Variants in SLC28A1 observed in about 807,000 individuals in gnomAD.
SLC28A1 encodes sodium/nucleoside cotransporter 1.
In SLC28A1, 64 loss-of-function variants were observed where a neutral mutation model predicts 74.8. That is an observed-to-expected ratio of 0.86 (90% CI 0.70 to 1.05). The LOEUF (loss-of-function observed/expected upper bound fraction) is 1.05. Among genes scored for constraint, SLC28A1 ranks in the 50% least tolerant of loss-of-function variants. The pLI is 0.00. For synonymous variants in SLC28A1, 359 were observed against 335.0 expected, an observed-to-expected ratio of 1.07 and a Z score of -0.78; for missense variants, 828 against 822.8, an observed-to-expected ratio of 1.01 and a Z score of -0.08.
At chr15:84,951,257 G>A in the SLC28A1 span, among the ~76,000 whole-genome samples, 1 of 151,954 alleles carries the variant, frequency 6.6e-6, no homozygotes, top group Non-Finnish European at 1.5e-5. Flanking sequence ...AGACCAGCCT[G>A]GGCAAAATGG....
the SLC28A1 span, among the ~76,000 whole-genome samples, chr15:84,956,557 A>G: frequency 5.3e-5 from 8 of 151,028 alleles, no homozygotes; most frequent in African/African-American, 2.0e-4. Context: ...CAGTGGCACA[A>G]TCATGGCTCA....
At chr15:84,899,086 C>T (rs1227878437) in intron 6 of SLC28A1, among the ~76,000 whole-genome samples, 1 of 152,050 alleles carries the variant, frequency 6.6e-6, no homozygotes, top group Non-Finnish European at 1.5e-5. Flanking sequence ...TGGAATCACA[C>T]AGGGCCAGGA....
At chr15:84,928,527 G>GTTCTTTCT (rs1200042713) in intron 12 of SLC28A1, among the ~76,000 whole-genome samples, 13 of 47,236 alleles carry the variant, frequency 2.8e-4, no homozygotes, top group African/African-American at 8.1e-4. Flanking sequence ...AGGTTCGTTC[G>GTTCTTTCT]TTCTTTCTTT....
rs1261106893 is a variant in SLC28A1, at chr15:84,886,711, C to A, written c.-93C>A. ...GTGACAAGGCAAGCCAGAGCCAAAGCAGGTTGGACCCAGCTTGTCCCCACA... is the reference window on the plus strand; with the variant it reads ...GTGACAAGGCAAGCCAGAGCCAAAGAAGGTTGGACCCAGCTTGTCCCCACA... On this transcript the variant is annotated 5_prime_UTR_variant, in exon 2 of 19. Coordinates refer to ENST00000394573, the MANE Select transcript of SLC28A1 (RefSeq NM_004213.5). 3.0e-6 allele frequency: 3 copies of A among 985,416 alleles called. No homozygotes were observed. In the Admixed American group the frequency reaches 1.8e-4, roughly 61 times the overall value. The allele number at this position is 985,416 out of a possible 1,614,324, so 61.0% of individuals were successfully genotyped here. A position where few individuals can be genotyped will look rare whatever the true frequency, so the allele number is the denominator to read the frequency against.
chr15:84,906,528 G>GTTTCTTTCTTTCTTTC (rs1159258854), intron 8 of SLC28A1, among the ~76,000 whole-genome samples: 17 of 62,042 alleles, frequency 2.7e-4, no homozygotes, highest in Admixed American at 1.1e-3. Context: ...TTGTTTGTTT[G>GTTTCTTTCTTTCTTTC]TTTCTTTCTT....
At chr15:84,947,876 A>G (rs732633), downstream of SLC28A1, among the ~76,000 whole-genome samples, 133,290 of 152,274 alleles carry the variant, frequency 0.88, 58,440 homozygotes, top group East Asian at 0.96. Flanking sequence ...ATAGTAGTGT[A>G]AGCTATTAAC....
chr15:84,971,372 T>C, the SLC28A1 span, among the ~76,000 whole-genome samples: 1 of 152,140 alleles, frequency 6.6e-6, no homozygotes, highest in Non-Finnish European at 1.5e-5. Flanking sequence ...CAGGGAAAGA[T>C]CCCTCATGAA....
chr15:84,960,651 G>A, the SLC28A1 span, among the ~76,000 whole-genome samples: 1 of 152,178 alleles, frequency 6.6e-6, no homozygotes, highest in African/African-American at 2.4e-5. Context: ...TGATGGGCAG[G>A]TGGGCCTGGG....
the SLC28A1 span, among the ~76,000 whole-genome samples, chr15:84,969,331 A>G: frequency 6.6e-6 from 1 of 152,184 alleles, no homozygotes; most frequent in African/African-American, 2.4e-5. Flanking sequence ...ATCAGGATTC[A>G]CTCAGTCCTC....
intron 6 of SLC28A1, among the ~76,000 whole-genome samples, chr15:84,902,175 A>T (rs116810385): frequency 6.6e-6 from 1 of 152,300 alleles, no homozygotes; most frequent in African/African-American, 2.4e-5. Flanking sequence ...AAATTTATAT[A>T]AAATTCTTAA....
chr15:84,899,577 G>A (rs1233167057), intron 6 of SLC28A1, among the ~76,000 whole-genome samples: 2 of 152,264 alleles, frequency 1.3e-5, no homozygotes, highest in East Asian at 3.9e-4. Flanking sequence ...AAAAATGAGT[G>A]AGAAAATAAT....
rs1973091602 is a variant in SLC28A1 at position 84,944,524 on chromosome 15, G to A, written c.1664-42G>A. 4 of 1,416,922 alleles carry A rather than the reference G, an allele frequency of 2.8e-6. No homozygotes were observed. In the East Asian group the frequency reaches 9.1e-5, roughly 32 times the overall value. 87.8% of individuals were successfully genotyped at this position (1,416,922 alleles called of 1,614,324 possible). A position where few individuals can be genotyped will look rare whatever the true frequency, so the allele number is the denominator to read the frequency against. ...GAGCTGCGGAACGCGGGCAGAGAGG[G>A]ACACAGCTTCCCAGGCCCTGAGCAC... On this transcript the variant is annotated intron_variant, in intron 16 of 18. Transcript: ENST00000394573.
intron 12 of SLC28A1, among the ~76,000 whole-genome samples, chr15:84,925,770 T>C (rs1196582740): frequency 6.6e-6 from 1 of 151,680 alleles, no homozygotes; most frequent in Non-Finnish European, 1.5e-5. Context: ...ACATACTTTC[T>C]CTCTCTTTTT....
downstream of SLC28A1, among the ~76,000 whole-genome samples, chr15:84,950,541 C>T (rs1275065384): frequency 6.6e-6 from 1 of 151,818 alleles, no homozygotes; most frequent in East Asian, 1.9e-4. Flanking sequence ...GACCCTGTCT[C>T]CATAAAAAAT....
At chr15:84,937,021 C>A (rs561772576) in intron 15 of SLC28A1, among the ~76,000 whole-genome samples, 66 of 150,272 alleles carry the variant, frequency 4.4e-4, no homozygotes, top group African/African-American at 1.6e-3. Context: ...TCACTGCACT[C>A]CAGCCTGGGC....
At chr15:84,898,553 T>C (rs1310755359) in intron 6 of SLC28A1, among the ~76,000 whole-genome samples, 1 of 142,244 alleles carries the variant, frequency 7.0e-6, no homozygotes, top group Non-Finnish European at 1.5e-5. Flanking sequence ...CACTCCAGCC[T>C]GGGCGACAGA....
Position 84,924,706 on chromosome 15 carries a change from C to T in SLC28A1, c.1083+596C>T, listed in dbSNP as rs187628183. Among the ~76,000 whole-genome samples the T allele has an allele frequency of 9.1e-4, 139 of 152,266 alleles. 2 individuals carry two copies. The highest frequency in any genetic ancestry group is 3.0e-3 in the African/African-American group (125 of 41,556). ...TCAAATGCATCCCTCACATAATGCC[C>T]GGTAATAATGCTTTACATTCATAAA... is the stretch of plus-strand genomic sequence containing the variant. On this transcript the variant is annotated intron_variant, in intron 12 of 18. Coordinates refer to ENST00000394573, the MANE Select transcript of SLC28A1 (RefSeq NM_004213.5).
At position 84,918,517 on chromosome 15, in the gene SLC28A1, C is replaced by T. The variant is rs1328596644; in HGVS notation, c.796-7C>T. 6.2e-7 allele frequency: 1 copy of T among 1,612,460 alleles called. No homozygotes were observed. Among genetic ancestry groups the T allele is most frequent in the Non-Finnish European group, 8.5e-7 (1 of 1,178,514 alleles). On this transcript the variant is annotated splice_polypyrimidine_tract_variant and splice_region_variant and intron_variant, in intron 9 of 18. Transcript: ENST00000394573. ...AACCTGCGGTCCTATGATCTCCTTC[C>T]CGGCAGGTTCTGCCCATCATTGTCT...
intron 8 of SLC28A1, among the ~76,000 whole-genome samples, chr15:84,906,565 T>TTG (rs1325671774): frequency 1.2e-3 from 20 of 16,738 alleles, no homozygotes; most frequent in African/African-American, 3.0e-3. Flanking sequence ...TCTTTCTTTC[T>TTG]CTTTCTTTCT....
Sources: gnomAD v4.1 joint callset for allele counts (sites outside exome capture counted in the v4.1 genomes callset) on GRCh38, gnomAD v4.1.1 for gene constraint, MANE v1.5 for transcripts, NCBI Gene and HGNC (gene_info 2026-07-23, HGNC 2026-07-21) for gene names.